NRXN3: variants seen among roughly 807,000 people sequenced by gnomAD.
NRXN3 encodes the protein neurexin 3, also known as neurexin III.
NRXN3 carries 32 observed loss-of-function variants against 137.6 expected under a neutral mutation model. The ratio of observed to expected loss-of-function variants is 0.23; its 90% confidence interval spans 0.18 to 0.31. The LOEUF (loss-of-function observed/expected upper bound fraction) is 0.31, where lower values mean the gene tolerates loss of function less well. Ranked by LOEUF, NRXN3 falls within the 10% of genes least tolerant of loss-of-function variation. The probability of loss-of-function intolerance (pLI) is 1.00; values close to 1 mark genes in which losing one functional copy is unlikely to be tolerated. For synonymous variants in NRXN3, 798 were observed against 784.5 expected, an observed-to-expected ratio of 1.02 and a Z score of -0.29; for missense variants, 1,574 against 2,062.5, an observed-to-expected ratio of 0.76 and a Z score of 4.59.
intron 4 of NRXN3, among the ~76,000 whole-genome samples, chr14:78,464,599 CA>C (rs1343063457): frequency 1.3e-5 from 2 of 152,018 alleles, no homozygotes; most frequent in Admixed American, 1.3e-4. Flanking sequence ...TAAAATTATA[CA>C]AGAAAAAATA....
At chr14:78,943,112 G>A (rs31443) in intron 10 of NRXN3, among the ~76,000 whole-genome samples, 3,964 of 152,208 alleles carry the variant, frequency 0.026, 176 homozygotes, top group African/African-American at 0.091. Flanking sequence ...CACATGTGTA[G>A]AGAAGGAAAT....
chr14:78,522,383 G>A (rs2096296534), intron 4 of NRXN3, among the ~76,000 whole-genome samples: 1 of 152,134 alleles, frequency 6.6e-6, no homozygotes, highest in African/African-American at 2.4e-5. Context: ...ACACTATGAT[G>A]TCTAATAAAT....
intron 10 of NRXN3, among the ~76,000 whole-genome samples, chr14:78,944,551 A>G (rs923309774): frequency 1.3e-5 from 2 of 152,180 alleles, no homozygotes; most frequent in African/African-American, 2.4e-5. Flanking sequence ...CCTGATTCCT[A>G]TGATGGTGTC....
At chr14:78,710,923 G>A (rs918037553) in intron 7 of NRXN3, among the ~76,000 whole-genome samples, 1 of 152,160 alleles carries the variant, frequency 6.6e-6, no homozygotes, top group Non-Finnish European at 1.5e-5. Flanking sequence ...AAATGTGCTC[G>A]TTAAGCAAGA....
At chr14:79,261,643 GA>G (rs773971322) in intron 15 of NRXN3, among the ~76,000 whole-genome samples, 191 of 105,884 alleles carry the variant, frequency 1.8e-3, no homozygotes, top group South Asian at 2.9e-3. Context: ...GTGTGTGTGT[GA>G]TGGGGTGGGG....
rs375057146 is a variant in NRXN3 at position 79,382,851 on chromosome 14, T to G, written c.3263-84370T>G. Among the ~76,000 whole-genome samples, 21 of 152,276 alleles carry G rather than the reference T, an allele frequency of 1.4e-4. No homozygotes were observed. The South Asian group carries it at 2.7e-3, about 20-fold the overall frequency. On this transcript the variant is annotated intron_variant, in intron 15 of 20. Coordinates refer to ENST00000335750, the MANE Select transcript of NRXN3 (RefSeq NM_001330195.2). ...TGAGGTTCCAACTTTACGATTGACTTTCCTAATTCAATTGGCTATTTGACT... is the reference window on the plus strand; with the variant it reads ...TGAGGTTCCAACTTTACGATTGACTGTCCTAATTCAATTGGCTATTTGACT...
chr14:79,720,620 C>G (rs2098841321), intron 19 of NRXN3, among the ~76,000 whole-genome samples: 1 of 152,162 alleles, frequency 6.6e-6, no homozygotes, highest in South Asian at 2.1e-4. Flanking sequence ...GACTCTTCAA[C>G]TAGGTTTCTA....
intron 4 of NRXN3, among the ~76,000 whole-genome samples, chr14:78,451,150 A>G (rs933987901): frequency 3.3e-5 from 5 of 152,034 alleles, no homozygotes; most frequent in Non-Finnish European, 7.4e-5. Flanking sequence ...AGGTTGAGTA[A>G]CTCAAGCACA....
intron 15 of NRXN3, among the ~76,000 whole-genome samples, chr14:79,358,273 A>G (rs1008639568): frequency 1.3e-5 from 2 of 152,116 alleles, no homozygotes; most frequent in Non-Finnish European, 2.9e-5. Flanking sequence ...ATCAAAAGAA[A>G]GTGTCCTGGC....
chr14:79,646,962 A>C (rs1198584546), intron 16 of NRXN3, among the ~76,000 whole-genome samples: 2 of 135,578 alleles, frequency 1.5e-5, no homozygotes, highest in African/African-American at 4.9e-5. Flanking sequence ...GGCAAAGGGA[A>C]AGAGAAGAGA....
At chr14:78,494,164 T>C (rs1034873431) in intron 4 of NRXN3, among the ~76,000 whole-genome samples, 51 of 152,328 alleles carry the variant, frequency 3.3e-4, no homozygotes, top group Non-Finnish European at 2.4e-4. Flanking sequence ...TTTTGAGATA[T>C]TATTGACATC....
chr14:78,185,260 A>T (rs1424230288), intron 1 of NRXN3, among the ~76,000 whole-genome samples: 3 of 152,138 alleles, frequency 2.0e-5, no homozygotes, highest in Non-Finnish European at 4.4e-5. Flanking sequence ...GTTTCGATGG[A>T]GGGAGTAATG....
chr14:78,904,613 T>A (rs1341645813), intron 10 of NRXN3, among the ~76,000 whole-genome samples: 1 of 152,102 alleles, frequency 6.6e-6, no homozygotes, highest in Non-Finnish European at 1.5e-5. Flanking sequence ...TAGCTTCTTA[T>A]TTTCAACTCT....
At chr14:79,317,794 A>T (rs979795369) in intron 15 of NRXN3, among the ~76,000 whole-genome samples, 2 of 152,220 alleles carry the variant, frequency 1.3e-5, no homozygotes, top group Non-Finnish European at 2.9e-5. Context: ...TTTTTGTTAT[A>T]GTCTGTTTCA....
intron 6 of NRXN3, among the ~76,000 whole-genome samples, chr14:78,696,160 A>T (rs1594836698): frequency 6.6e-6 from 1 of 151,980 alleles, no homozygotes; most frequent in South Asian, 2.1e-4. Flanking sequence ...AGAATCTTAA[A>T]AGTGTGATCT....
intron 10 of NRXN3, among the ~76,000 whole-genome samples, chr14:78,822,137 A>G (rs1596225421): frequency 6.6e-6 from 1 of 152,186 alleles, no homozygotes; most frequent in East Asian, 1.9e-4. Flanking sequence ...CCTTTGTCAC[A>G]GCAAAATAAT....
intron 8 of NRXN3, among the ~76,000 whole-genome samples, chr14:78,735,821 C>T (rs2098538685): frequency 6.6e-6 from 1 of 152,122 alleles, no homozygotes; most frequent in Non-Finnish European, 1.5e-5. Context: ...AATTGAAAGA[C>T]CTAAGTTAGA....
chr14:78,638,207 T>G (rs1425120283), intron 4 of NRXN3, among the ~76,000 whole-genome samples: 2 of 152,204 alleles, frequency 1.3e-5, no homozygotes, highest in African/African-American at 4.8e-5. Flanking sequence ...GCTGCATCTT[T>G]CCTACGGAGA....
rs190727058 is a variant in NRXN3, at chr14:79,106,391, C to T, written c.3262+118250C>T. ...AATGAAAAAGAATAAGCCAGAAGAA[C>T]TGCTTTACCCAAGCCCAGATTCTTC... On this transcript the variant is annotated intron_variant, in intron 15 of 20. Coordinates refer to ENST00000335750, the MANE Select transcript of NRXN3 (RefSeq NM_001330195.2). Among the ~76,000 whole-genome samples, 50 of 152,128 alleles carry T rather than the reference C, an allele frequency of 3.3e-4. 1 individual carries two copies. In the East Asian group the frequency reaches 9.5e-3, roughly 29 times the overall value.
Sources: allele counts gnomAD v4.1 joint callset (sites outside exome capture counted in the v4.1 genomes callset), GRCh38; gene constraint gnomAD v4.1.1; transcripts MANE v1.5; gene names NCBI Gene and HGNC (gene_info 2026-07-23, HGNC 2026-07-21).